Variants in MPIG6B observed in about 807,000 individuals in gnomAD.
MPIG6B encodes immunoglobulin receptor.
Under a neutral mutation model 24.2 loss-of-function variants are expected in MPIG6B, and 22 were observed. The ratio of observed to expected loss-of-function variants is 0.91; its 90% confidence interval spans 0.65 to 1.30. The LOEUF (loss-of-function observed/expected upper bound fraction) is 1.30, where lower values mean the gene tolerates loss of function less well. Among genes scored for constraint, MPIG6B ranks in the 50% most tolerant of loss-of-function variants. The pLI is 0.00. For synonymous variants in MPIG6B, 136 were observed against 142.0 expected (o/e 0.96, Z 0.30); for missense variants, 301 against 318.5 (o/e 0.94, Z 0.42).
In MPIG6B at chr6:31,723,431, A is replaced by G. The variant is rs540988145; in HGVS notation, c.48A>G (p.Gln16=). 1.2e-6 allele frequency: 2 copies of G among 1,612,942 alleles called. No homozygotes were observed. The highest frequency in any genetic ancestry group is 1.3e-5 in the African/African-American group (1 of 75,050). ...QLLPLLLSRA[Q]GNPGASLDGR... Reference sequence around the variant, plus strand: ...TACCGCTGCTGCTCTCGAGGGCCCAAGGGAACCCTGGGGGTAAGCGATCCC... The same window carrying G: ...TACCGCTGCTGCTCTCGAGGGCCCAGGGGAACCCTGGGGGTAAGCGATCCC... Residue 16 remains glutamine, a synonymous_variant, in exon 1 of 6, where the codon CAA becomes CAG. Transcript: ENST00000649779. The surrounding 1 kb of genome is among the most constrained non-coding windows in gnomAD (Gnocchi z 4.3).
In MPIG6B at chr6:31,724,250, G is replaced by A. The variant is rs765766974; in HGVS notation, c.500+18G>A. 2.3e-5 allele frequency: 37 copies of A among 1,599,914 alleles called. No homozygotes were observed. Among genetic ancestry groups the A allele is most frequent in the Non-Finnish European group, 2.9e-5 (34 of 1,170,398 alleles). On this transcript the variant is annotated intron_variant, in intron 3 of 5. Coordinates refer to ENST00000649779, the MANE Select transcript of MPIG6B (RefSeq NM_138272.3). ...CTGCACAGGTGAGCAGGAGGGACCC[G>A]GCCTCGTTAAATGGGGAGTGACCAG...
rs1181941211 is a variant in MPIG6B, at chr6:31,724,165, A to T, written c.433A>T (p.Ile145Phe). The T allele has an allele frequency of 6.2e-7, 1 of 1,613,070 alleles. No individual in the cohort carries two copies. Among genetic ancestry groups the T allele is most frequent in the South Asian group, 1.1e-5 (1 of 90,942 alleles). ...THGSVYPQLLIPLLGAGLVLG... is the reference protein window; with the variant it reads ...THGSVYPQLLFPLLGAGLVLG... Reference sequence around the variant, plus strand: ...AGGGTCCGTGTATCCCCAGCTCCTGATCCCGCTGCTGGGCGCTGGGTTGGT... The same window carrying T: ...AGGGTCCGTGTATCCCCAGCTCCTGTTCCCGCTGCTGGGCGCTGGGTTGGT... The change falls in exon 3 of 6, where the codon ATC becomes TTC. Residue 145 changes from isoleucine to phenylalanine, a missense_variant. Physicochemically the swap from Ile to Phe is conservative, Grantham distance 21. Coordinates refer to ENST00000649779, the MANE Select transcript of MPIG6B (RefSeq NM_138272.3).
chr6:31,723,803 C>A lies in MPIG6B; in HGVS notation c.226C>A (p.Pro76Thr). 6.2e-7 allele frequency: 1 copy of A among 1,613,950 alleles called. No homozygotes were observed. The highest frequency in any genetic ancestry group is 8.5e-7 in the Non-Finnish European group (1 of 1,179,936). ...TTCGAGCGGGACCCCCACCGTGCCT[C>A]CCCTCCAGCCTTTCGTCGGCCGCCT... ...ASSSGTPTVP[P>T]LQPFVGRLRS... Residue 76 changes from proline to threonine, a missense_variant, in exon 2 of 6, where the codon CCC (proline) becomes ACC (threonine). By Grantham distance (38) the Pro-to-Thr change is conservative. Coordinates refer to ENST00000649779, the MANE Select transcript of MPIG6B (RefSeq NM_138272.3). The surrounding 1 kb of genome is among the most constrained non-coding windows in gnomAD (Gnocchi z 4.3).
upstream of MPIG6B, chr6:31,721,749 G>A (rs1806805615): frequency 6.5e-7 from 1 of 1,531,766 alleles, no homozygotes; most frequent in South Asian, 1.1e-5. Flanking sequence ...CCAGCTCTAG[G>A]AGTTGAGTGG....
chr6:31,726,119 C>G lies in MPIG6B; in HGVS notation c.*1045C>G, dbSNP rs1392459198. ...CCACGTGAATGTACTCTGCTCACTT[C>G]CTTCCTGGATTACCCATAGCCCCAC... On this transcript the variant is annotated 3_prime_UTR_variant, in exon 6 of 6. Coordinates refer to ENST00000649779, the MANE Select transcript of MPIG6B (RefSeq NM_138272.3). This position sits in a 1 kb window ranked among gnomAD's most constrained non-coding sequence, Gnocchi z 5.1. The G allele has an allele frequency of 1.3e-5, 2 of 152,660 alleles. No homozygotes were observed. The highest frequency in any genetic ancestry group is 2.9e-5 in the Non-Finnish European group (2 of 68,102). The allele number at this position is 152,660 out of a possible 1,614,324, so 9.5% of individuals were successfully genotyped here.
upstream of MPIG6B, chr6:31,723,362 T>C: frequency 6.2e-7 from 1 of 1,609,500 alleles, no homozygotes; most frequent in Non-Finnish European, 8.5e-7. This position sits in a 1 kb window ranked among gnomAD's most constrained non-coding sequence, Gnocchi z 4.3. Context: ...CGCTCGCAGC[T>C]TCTCCTCACC....
At position 31,725,031 on chromosome 6, in the gene MPIG6B, C is replaced by A; in HGVS notation, c.683C>A (p.Ala228Glu). 6.2e-7 allele frequency: 1 copy of A among 1,613,772 alleles called. No individual in the cohort carries two copies. Among genetic ancestry groups the A allele is most frequent in the Non-Finnish European group, 8.5e-7 (1 of 1,179,964 alleles). ...ALSRPRRLST[A>E]DPADASTIYA... Reference sequence around the variant, plus strand: ...AGCAGGCCCCGCCGGCTGTCCACAGCGGACCCTGCTGATGCCTCCACCATC... The same window carrying A: ...AGCAGGCCCCGCCGGCTGTCCACAGAGGACCCTGCTGATGCCTCCACCATC... Residue 228 changes from alanine (A) to glutamate (E), a missense_variant, in exon 6 of 6, where the codon GCG becomes GAG. Coordinates refer to ENST00000649779, the MANE Select transcript of MPIG6B (RefSeq NM_138272.3). This position sits in a 1 kb window ranked among gnomAD's most constrained non-coding sequence, Gnocchi z 5.2.
chr6:31,726,247 A>G lies in MPIG6B; in HGVS notation c.*1173A>G, dbSNP rs1490439106. The G allele has an allele frequency of 6.6e-6, 1 of 152,278 alleles. No individual in the cohort carries two copies. The highest frequency in any genetic ancestry group is 1.5e-5 in the Non-Finnish European group (1 of 68,076). 9.4% of individuals were successfully genotyped at this position (152,278 alleles called of 1,614,324 possible). A position where few individuals can be genotyped will look rare whatever the true frequency, so the allele number is the denominator to read the frequency against. ...ATTACAGAACTGAAGTACTCTCCTT[A>G]GCTTCAGCTCTGTGCCCACGTGCCT... On this transcript the variant is annotated 3_prime_UTR_variant, in exon 6 of 6. Coordinates refer to ENST00000649779, the MANE Select transcript of MPIG6B (RefSeq NM_138272.3). This position sits in a 1 kb window ranked among gnomAD's most constrained non-coding sequence, Gnocchi z 5.1.
In MPIG6B at chr6:31,724,757, C is replaced by A. The variant is rs1807186078; in HGVS notation, c.542-8C>A. The stretch of plus-strand genomic sequence containing the variant: ...TCTCCATCCTTCAGCTCTGTCCCCC[C>A]CACATAGCTCCACTTGTGAAAACCG... On this transcript the variant is annotated splice_polypyrimidine_tract_variant and splice_region_variant and intron_variant, in intron 4 of 5. Coordinates refer to ENST00000649779, the MANE Select transcript of MPIG6B (RefSeq NM_138272.3). 4 of 1,613,950 alleles carry A rather than the reference C, an allele frequency of 2.5e-6. No individual in the cohort carries two copies. The African/African-American group carries it at 4.0e-5, about 16-fold the overall frequency.
upstream of MPIG6B, chr6:31,723,344 C>A: frequency 3.8e-6 from 6 of 1,592,664 alleles, no homozygotes; most frequent in Non-Finnish European, 4.3e-6. The surrounding 1 kb of genome is among the most constrained non-coding windows in gnomAD (Gnocchi z 4.3). Flanking sequence ...GGCCCCACGC[C>A]GCTGATTCGC....
At position 31,724,147 on chromosome 6, in the gene MPIG6B, G is replaced by A. The variant is rs1807119787; in HGVS notation, c.415G>A (p.Val139Met). The change falls in exon 3 of 6, where the codon GTG becomes ATG. Residue 139 changes from valine to methionine, a missense_variant. Physicochemically the swap from Val to Met is conservative, Grantham distance 21 (BLOSUM62 1). Coordinates refer to ENST00000649779, the MANE Select transcript of MPIG6B (RefSeq NM_138272.3). Reference protein sequence around the residue: ...CKAPGPTHGSVYPQLLIPLLG... With the variant: ...CKAPGPTHGSMYPQLLIPLLG... Reference sequence around the variant, plus strand: ...CCGCCACGCCTTTCCCCCAGGGTCCGTGTATCCCCAGCTCCTGATCCCGCT... The same window carrying A: ...CCGCCACGCCTTTCCCCCAGGGTCCATGTATCCCCAGCTCCTGATCCCGCT... The A allele has an allele frequency of 1.9e-6, 3 of 1,612,510 alleles. No individual in the cohort carries two copies. Among genetic ancestry groups the A allele is most frequent in the African/African-American group, 1.3e-5 (1 of 74,904 alleles).
Position 31,723,660 on chromosome 6 carries a change from G to T in MPIG6B, c.83G>T (p.Gly28Val). Reference sequence around the variant, plus strand: ...CTAGCTTCTCTGGACGGCCGCCCTGGGGACCGGGTGAATCTCTCCTGCGGA... The same window carrying T: ...CTAGCTTCTCTGGACGGCCGCCCTGTGGACCGGGTGAATCTCTCCTGCGGA... The part of the protein sequence containing the change: ...NPGASLDGRP[G>V]DRVNLSCGGV... Residue 28 changes from glycine to valine, a missense_variant, in exon 2 of 6, where the codon GGG becomes GTG. Coordinates refer to ENST00000649779, the MANE Select transcript of MPIG6B (RefSeq NM_138272.3). This position sits in a 1 kb window ranked among gnomAD's most constrained non-coding sequence, Gnocchi z 4.3. 1 of 1,579,404 alleles carries T rather than the reference G, an allele frequency of 6.3e-7. No individual in the cohort carries two copies.
chr6:31,725,178 T>C lies in MPIG6B; in HGVS notation c.*104T>C. The stretch of plus-strand genomic sequence containing the variant: ...CCTGGAAGAGGAAGGCACCATGGTA[T>C]AGAAATAAGTGCTAGACTGGGAGTT... On this transcript the variant is annotated 3_prime_UTR_variant, in exon 6 of 6. Transcript: ENST00000649779. The surrounding 1 kb of genome is among the most constrained non-coding windows in gnomAD (Gnocchi z 5.2). 1.3e-6 allele frequency: 1 copy of C among 799,828 alleles called. No homozygotes were observed. Among genetic ancestry groups the C allele is most frequent in the Non-Finnish European group, 2.1e-6 (1 of 484,886 alleles). 49.5% of individuals were successfully genotyped at this position (799,828 alleles called of 1,614,324 possible).
Position 31,724,961 on chromosome 6 carries a change from C to T in MPIG6B, c.622-9C>T. Reference sequence around the variant, plus strand: ...AGACCATCTTGTCTTCCTCCCCTTCCTCCTCCAGAGCCTGCTCTATGCGGA... The same window carrying T: ...AGACCATCTTGTCTTCCTCCCCTTCTTCCTCCAGAGCCTGCTCTATGCGGA... On this transcript the variant is annotated splice_polypyrimidine_tract_variant and intron_variant, in intron 5 of 5. Coordinates refer to ENST00000649779, the MANE Select transcript of MPIG6B (RefSeq NM_138272.3). The T allele has an allele frequency of 6.2e-7, 1 of 1,613,510 alleles. No homozygotes were observed. Among genetic ancestry groups the T allele is most frequent in the Non-Finnish European group, 8.5e-7 (1 of 1,179,658 alleles).
Position 31,723,519 on chromosome 6 carries a change from T to A in MPIG6B, c.61+75T>A. 6.8e-7 allele frequency: 1 copy of A among 1,470,450 alleles called. No homozygotes were observed. Among genetic ancestry groups the A allele is most frequent in the Non-Finnish European group, 9.4e-7 (1 of 1,058,596 alleles). The allele number at this position is 1,470,450 out of a possible 1,614,324, so 91.1% of individuals were successfully genotyped here. A position where few individuals can be genotyped will look rare whatever the true frequency, so the allele number is the denominator to read the frequency against. ...GATAAGGGCCGCCTAGTAGGGTGGGTTGTGTGTGGGAAGATCCAGGATGGC... is the reference window on the plus strand; with the variant it reads ...GATAAGGGCCGCCTAGTAGGGTGGGATGTGTGTGGGAAGATCCAGGATGGC... On this transcript the variant is annotated intron_variant, in intron 1 of 5. Coordinates refer to ENST00000649779, the MANE Select transcript of MPIG6B (RefSeq NM_138272.3). This position sits in a 1 kb window ranked among gnomAD's most constrained non-coding sequence, Gnocchi z 4.3.
chr6:31,724,074 G>C (rs188943328), intron 2 of MPIG6B, 68 bp from the exon 3 acceptor site: 1 of 1,574,956 alleles, frequency 6.3e-7, no homozygotes, highest in African/African-American at 1.4e-5. Flanking sequence ...GTTCTTGAGC[G>C]GGACTGCTGG....
upstream of MPIG6B, among the ~76,000 whole-genome samples, chr6:31,722,410 T>C (rs1366827167): frequency 9.9e-5 from 15 of 152,146 alleles, no homozygotes. Context: ...TGTGGCCTTG[T>C]TGCTCCAGTC....
At chr6:31,720,476 C>T (rs1806722475), upstream of MPIG6B, among the ~76,000 whole-genome samples, 1 of 151,964 alleles carries the variant, frequency 6.6e-6, no homozygotes, top group Non-Finnish European at 1.5e-5. This position sits in a 1 kb window ranked among gnomAD's most constrained non-coding sequence, Gnocchi z 4.9. Context: ...TCAAGAGGGA[C>T]AGAACTATGA....
At position 31,723,834 on chromosome 6, in the gene MPIG6B, C is replaced by CCCTGGACTCTGGTAT. The variant is rs1562172699; in HGVS notation, c.260_274dup (p.Leu87_Ile91dup). Reference sequence around the variant, plus strand: ...CAGCCTTTCGTCGGCCGCCTACGCTCCCTGGACTCTGGTATCCGGCGGCTG... The same window carrying CCCTGGACTCTGGTAT: ...CAGCCTTTCGTCGGCCGCCTACGCTCCCTGGACTCTGGTATCCTGGACTCTGGTATCCGGCGGCTG... On this transcript the variant is annotated inframe_insertion, in exon 2 of 6. Transcript: ENST00000649779. The surrounding 1 kb of genome is among the most constrained non-coding windows in gnomAD (Gnocchi z 4.3). The CCCTGGACTCTGGTAT allele has an allele frequency of 6.2e-7, 1 of 1,612,024 alleles. No individual in the cohort carries two copies. Among genetic ancestry groups the CCCTGGACTCTGGTAT allele is most frequent in the Non-Finnish European group, 8.5e-7 (1 of 1,179,262 alleles).
Sources: gnomAD v4.1 joint callset for allele counts (sites outside exome capture counted in the v4.1 genomes callset) on GRCh38, gnomAD v4.1.1 for gene constraint, Gnocchi (gnomAD v3.1) non-coding constraint, MANE v1.5 for transcripts, NCBI Gene and HGNC (gene_info 2026-07-23, HGNC 2026-07-21) for gene names.